UTRN: variants seen among roughly 807,000 people sequenced by gnomAD.
UTRN encodes dystrophin-related protein 1.
A neutral mutation model predicts 463.9 loss-of-function variants in UTRN; 283 were observed. That is an observed-to-expected ratio of 0.61 (90% CI 0.55 to 0.67). The LOEUF (loss-of-function observed/expected upper bound fraction) is 0.67. Ranked by LOEUF, UTRN falls within the 30% of genes least tolerant of loss-of-function variation. The pLI, the probability that UTRN is intolerant of heterozygous loss-of-function variation, is 0.00. For synonymous variants in UTRN, 1,442 were observed against 1,431.5 expected (o/e 1.01, Z -0.17); for missense variants, 3,922 against 4,084.3 (o/e 0.96, Z 1.08).
rs138988209 is a variant in UTRN at position 144,366,169 on chromosome 6, C to T, written c.80-36954C>T. Among the ~76,000 whole-genome samples the T allele has an allele frequency of 1.6e-4, 24 of 152,332 alleles. No individual in the cohort carries two copies. The South Asian group carries it at 3.9e-3, about 25-fold the overall frequency. On this transcript the variant is annotated intron_variant, in intron 2 of 74. Transcript: ENST00000367545. ...TAAAAGTTGATGTGTTAAAGCAGTA[C>T]AGCTCATGTTTATTCACTTGAAAGC... is the stretch of plus-strand genomic sequence containing the variant.
At chr6:144,696,203 A>AT (rs11341409) in intron 52 of UTRN, among the ~76,000 whole-genome samples, 59 of 148,604 alleles carry the variant, frequency 4.0e-4, no homozygotes, top group East Asian at 2.2e-3. Flanking sequence ...AAACTACTAA[A>AT]TTTTTTTTTT....
intron 37 of UTRN, among the ~76,000 whole-genome samples, chr6:144,515,467 C>T (rs1385903931): frequency 6.6e-6 from 1 of 151,590 alleles, no homozygotes; most frequent in Admixed American, 6.6e-5. Flanking sequence ...ATTGCACACA[C>T]CACAGAACTT....
At chr6:144,849,160 G>C (rs1053864332) in intron 74 of UTRN, among the ~76,000 whole-genome samples, 1 of 152,100 alleles carries the variant, frequency 6.6e-6, no homozygotes, top group African/African-American at 2.4e-5. Context: ...TGACCTATAG[G>C]ACAGGTTTCA....
chr6:144,851,075 A>AAAT lies in UTRN; in HGVS notation c.*79_*81dup, dbSNP rs1422046386. ...GCAAATGCCAATTCCAAGTTCCATT[A>AAAT]AATCAGAAGCTCCATGGCTCCTTGG... is the stretch of plus-strand genomic sequence containing the variant. On this transcript the variant is annotated 3_prime_UTR_variant, in exon 75 of 75. Transcript: ENST00000367545. The AAAT allele has an allele frequency of 1.3e-6, 2 of 1,596,888 alleles. No individual in the cohort carries two copies. Among genetic ancestry groups the AAAT allele is most frequent in the East Asian group, 4.5e-5 (2 of 44,754 alleles).
At chr6:144,683,767 A>G (rs527312295) in intron 52 of UTRN, among the ~76,000 whole-genome samples, 4 of 152,140 alleles carry the variant, frequency 2.6e-5, no homozygotes, top group East Asian at 3.9e-4. Flanking sequence ...CTGAATCTCT[A>G]CCAACTGCTA....
intron 2 of UTRN, among the ~76,000 whole-genome samples, chr6:144,319,267 A>G (rs1330471279): frequency 6.6e-6 from 1 of 151,812 alleles, no homozygotes; most frequent in African/African-American, 2.4e-5. Flanking sequence ...TGGGTCTGAC[A>G]TTTTCCTTGG....
intron 51 of UTRN, among the ~76,000 whole-genome samples, chr6:144,587,582 A>G (rs1802590038): frequency 6.6e-6 from 1 of 152,138 alleles, no homozygotes; most frequent in Non-Finnish European, 1.5e-5. Context: ...AAGGTTGAGT[A>G]TGTGGTTTTT....
chr6:144,373,094 G>A (rs1780146974), intron 2 of UTRN, among the ~76,000 whole-genome samples: 1 of 152,092 alleles, frequency 6.6e-6, no homozygotes, highest in Admixed American at 6.5e-5. Context: ...TAGCAGTTTT[G>A]GAAAATATTT....
At chr6:144,562,353 C>T (rs960684920) in intron 50 of UTRN, among the ~76,000 whole-genome samples, 1 of 152,078 alleles carries the variant, frequency 6.6e-6, no homozygotes, top group Non-Finnish European at 1.5e-5. Flanking sequence ...GATGCTCTCC[C>T]TTCTCCTGCC....
chr6:144,737,584 A>G (rs1467442489), intron 54 of UTRN, among the ~76,000 whole-genome samples: 1 of 152,206 alleles, frequency 6.6e-6, no homozygotes, highest in Non-Finnish European at 1.5e-5. Flanking sequence ...ATAAAAAAAT[A>G]GGGCTAAATG....
At chr6:144,700,364 C>T in intron 53 of UTRN, 121 bp downstream of exon 53, 1 of 1,168,110 alleles carries the variant, frequency 8.6e-7, no homozygotes, top group Non-Finnish European at 1.1e-6. Flanking sequence ...CCCCCCACCA[C>T]CGTCTGCTTT....
intron 69 of UTRN, among the ~76,000 whole-genome samples, chr6:144,831,203 T>A (rs976632522): frequency 6.6e-6 from 1 of 152,158 alleles, no homozygotes; most frequent in African/African-American, 2.4e-5. Context: ...CCCTGAAGCC[T>A]ATGAATATAC....
intron 53 of UTRN, among the ~76,000 whole-genome samples, chr6:144,711,488 T>G (rs979738505): frequency 1.3e-5 from 2 of 152,214 alleles, no homozygotes; most frequent in African/African-American, 2.4e-5. Flanking sequence ...GAATGTGAGC[T>G]TATCATTCAG....
In UTRN at chr6:144,714,685, T is replaced by G. The variant is rs573633771; in HGVS notation, c.7809+14442T>G. 3.3e-5 allele frequency among the ~76,000 whole-genome samples: 5 copies of G among 152,334 alleles called. No individual in the cohort carries two copies. The South Asian group carries it at 1.0e-3, about 32-fold the overall frequency. On this transcript the variant is annotated intron_variant, in intron 53 of 74. Coordinates refer to ENST00000367545, the MANE Select transcript of UTRN (RefSeq NM_007124.3). ...TATTCTGACACATGTAACACAATAT[T>G]GAATGCCTCTTAAAACTTGCTTCAA...
intron 51 of UTRN, among the ~76,000 whole-genome samples, chr6:144,626,268 T>C (rs1311777622): frequency 6.6e-6 from 1 of 152,214 alleles, no homozygotes; most frequent in Non-Finnish European, 1.5e-5. Flanking sequence ...AAAACTCTCC[T>C]TATCACAGGG....
intron 54 of UTRN, among the ~76,000 whole-genome samples, chr6:144,733,416 C>G (rs1788988163): frequency 6.6e-6 from 1 of 150,528 alleles, no homozygotes. Flanking sequence ...ACTCAGGAGG[C>G]TGAGGCAGGG....
intron 51 of UTRN, chr6:144,660,218 C>T (rs781442917): frequency 1.7e-5 from 8 of 471,062 alleles, no homozygotes; most frequent in African/African-American, 1.6e-4. Flanking sequence ...TCAAGGGCTA[C>T]TGGACAATGA....
At chr6:144,661,268 A>G (rs1779836888) in intron 51 of UTRN, among the ~76,000 whole-genome samples, 1 of 152,218 alleles carries the variant, frequency 6.6e-6, no homozygotes, top group African/African-American at 2.4e-5. Context: ...ATGCAACATC[A>G]TGCCATCTGA....
At chr6:144,774,468 C>G (rs1037752894) in intron 60 of UTRN, 104 bp downstream of exon 60, 14 of 1,041,802 alleles carry the variant, frequency 1.3e-5, no homozygotes, top group Admixed American at 6.0e-5. Context: ...CCAAGTTAAT[C>G]TGGTCTTCAG....
Sources: allele counts gnomAD v4.1 joint callset (sites outside exome capture counted in the v4.1 genomes callset), GRCh38; gene constraint gnomAD v4.1.1; transcripts MANE v1.5; gene names NCBI Gene and HGNC (gene_info 2026-07-23, HGNC 2026-07-21).